The following FBXO11 variants were observed in gnomAD, a reference collection of about 807,000 sequenced individuals.
The protein encoded by FBXO11 is F-box protein 11.
A neutral mutation model predicts 117.0 loss-of-function variants in FBXO11; 13 were observed. That is an observed-to-expected ratio of 0.11 (90% CI 0.07 to 0.18). FBXO11 has a LOEUF of 0.18. FBXO11 is among the 10% of genes least tolerant of loss of function. FBXO11 has a pLI of 1.00. For missense variants in FBXO11, 767 were observed against 1,164.4 expected (o/e 0.66, Z 4.97); for synonymous variants, 490 against 380.5 (o/e 1.29, Z -3.35).
At chr2:47,855,398 T>C (rs1227658670) in intron 1 of FBXO11, among the ~76,000 whole-genome samples, 2 of 152,164 alleles carry the variant, frequency 1.3e-5, no homozygotes, top group Non-Finnish European at 2.9e-5. Flanking sequence ...CCCAGGCTTG[T>C]AGGTAGACTC....
At chr2:47,847,060 A>G (rs758395475) in intron 1 of FBXO11, among the ~76,000 whole-genome samples, 7 of 152,184 alleles carry the variant, frequency 4.6e-5, no homozygotes, top group Non-Finnish European at 8.8e-5. Context: ...CCTGGCCAAC[A>G]TGGTGAAACC....
At chr2:47,882,794 G>A (rs1003342674) in intron 1 of FBXO11, among the ~76,000 whole-genome samples, 1 of 152,160 alleles carries the variant, frequency 6.6e-6, no homozygotes, top group Non-Finnish European at 1.5e-5. Context: ...TGGGACTACA[G>A]ACGTAAGCCA....
Position 47,881,121 on chromosome 2 carries a change from G to C in FBXO11, c.232+24368C>G, listed in dbSNP as rs555826866. Among the ~76,000 whole-genome samples the C allele has an allele frequency of 1.4e-4, 21 of 152,102 alleles. No homozygotes were observed. In the South Asian group the frequency reaches 4.4e-3, roughly 32 times the overall value. ...ACAAAAATTAGCCGGGCTTAGTGGC[G>C]GGTGCCTGCAGTCCCAGTTACTTGG... On this transcript the variant is annotated intron_variant, in intron 1 of 22. Coordinates refer to ENST00000403359, the MANE Select transcript of FBXO11 (RefSeq NM_001190274.2).
At chr2:47,901,678 G>T (rs1040124170) in intron 1 of FBXO11, among the ~76,000 whole-genome samples, 3 of 151,658 alleles carry the variant, frequency 2.0e-5, no homozygotes, top group Non-Finnish European at 4.4e-5. Flanking sequence ...TCAGTTCAAA[G>T]TAATTAATTT....
chr2:47,904,051 T>A lies in FBXO11; in HGVS notation c.232+1438A>T, dbSNP rs1186992783. ...CTCTAAGACTACCTTTAACAGTGAC[T>A]GGTGAAAGCCTTTTAAACTATTTTC... On this transcript the variant is annotated intron_variant, in intron 1 of 22. Coordinates refer to ENST00000403359, the MANE Select transcript of FBXO11 (RefSeq NM_001190274.2). 2.0e-5 allele frequency among the ~76,000 whole-genome samples: 3 copies of A among 152,220 alleles called. No individual in the cohort carries two copies. The East Asian group carries it at 5.8e-4, about 29-fold the overall frequency.
intron 1 of FBXO11, among the ~76,000 whole-genome samples, chr2:47,866,474 GTTTT>G (rs774659588): frequency 7.0e-6 from 1 of 142,224 alleles, no homozygotes; most frequent in Non-Finnish European, 1.5e-5. Flanking sequence ...TAGCAAGTTT[GTTTT>G]TTTTTTTTTC....
chr2:47,894,271 C>T (rs899230193), intron 1 of FBXO11, among the ~76,000 whole-genome samples: 3 of 151,910 alleles, frequency 2.0e-5, no homozygotes, highest in African/African-American at 7.3e-5. Context: ...GCAAAATATG[C>T]CCCCATTTTT....
At chr2:47,824,920 T>C (rs1671637858) in intron 11 of FBXO11, among the ~76,000 whole-genome samples, 1 of 152,210 alleles carries the variant, frequency 6.6e-6, no homozygotes, top group South Asian at 2.1e-4. Context: ...TTAAAATCCT[T>C]TCGGCACTAA....
At chr2:47,863,111 A>G (rs1301168113) in intron 1 of FBXO11, among the ~76,000 whole-genome samples, 3 of 151,918 alleles carry the variant, frequency 2.0e-5, no homozygotes, top group African/African-American at 7.3e-5. Flanking sequence ...CACCATACAC[A>G]CACAAAACAA....
intron 11 of FBXO11, among the ~76,000 whole-genome samples, chr2:47,823,614 G>T (rs960694194): frequency 6.6e-6 from 1 of 151,630 alleles, no homozygotes; most frequent in African/African-American, 2.4e-5. Flanking sequence ...TTAGCTGGGT[G>T]TGGTGGCTCA....
At chr2:47,868,282 CAAA>C (rs371849610) in intron 1 of FBXO11, among the ~76,000 whole-genome samples, 37 of 80,524 alleles carry the variant, frequency 4.6e-4, no homozygotes, top group Non-Finnish European at 4.4e-4. Context: ...ACTCTACCTC[CAAA>C]AAAAAAAAAA....
At chr2:47,902,243 C>A (rs1175098556) in intron 1 of FBXO11, among the ~76,000 whole-genome samples, 2 of 152,162 alleles carry the variant, frequency 1.3e-5, no homozygotes, top group African/African-American at 4.8e-5. Flanking sequence ...CTGTAAAATA[C>A]AATTCTACTA....
At chr2:47,825,717 C>T (rs1182315207) in intron 11 of FBXO11, among the ~76,000 whole-genome samples, 4 of 151,880 alleles carry the variant, frequency 2.6e-5, no homozygotes, top group African/African-American at 4.8e-5. Flanking sequence ...GCTGAGACCA[C>T]GGGTGCATGG....
At chr2:47,854,797 G>A (rs1337361189) in intron 1 of FBXO11, among the ~76,000 whole-genome samples, 1 of 151,950 alleles carries the variant, frequency 6.6e-6, no homozygotes, top group East Asian at 1.9e-4. Context: ...TGAGAACCAT[G>A]GGAGTCAAAG....
At chr2:47,869,143 C>T (rs558198486) in intron 1 of FBXO11, among the ~76,000 whole-genome samples, 6 of 152,154 alleles carry the variant, frequency 3.9e-5, no homozygotes, top group African/African-American at 1.4e-4. Context: ...TTCACAGGTC[C>T]AGGAAACAAA....
At chr2:47,846,389 C>T (rs1673409166) in intron 1 of FBXO11, among the ~76,000 whole-genome samples, 1 of 152,198 alleles carries the variant, frequency 6.6e-6, no homozygotes. Context: ...ATTGCTTGAA[C>T]CTGGAAGAAG....
At chr2:47,832,039 C>CT (rs1296268907) in intron 11 of FBXO11, among the ~76,000 whole-genome samples, 1 of 152,114 alleles carries the variant, frequency 6.6e-6, no homozygotes, top group Non-Finnish European at 1.5e-5. Context: ...CAGGAATTTT[C>CT]TTTAAAACAG....
chr2:47,826,798 C>A (rs961518834), intron 11 of FBXO11, among the ~76,000 whole-genome samples: 12 of 152,170 alleles, frequency 7.9e-5, no homozygotes, highest in Admixed American at 6.5e-5. Context: ...CAGAGTCTCA[C>A]TCTGTTGCCC....
intron 1 of FBXO11, among the ~76,000 whole-genome samples, chr2:47,849,390 A>G (rs1673670829): frequency 6.6e-6 from 1 of 152,214 alleles, no homozygotes; most frequent in Admixed American, 6.6e-5. Context: ...TTCAGTTATT[A>G]ACACACATAC....
Sources: gnomAD v4.1 joint callset for allele counts (sites outside exome capture counted in the v4.1 genomes callset) on GRCh38, gnomAD v4.1.1 for gene constraint, MANE v1.5 for transcripts, NCBI Gene and HGNC (gene_info 2026-07-23, HGNC 2026-07-21) for gene names.